The following DOCK4 variants were observed in gnomAD, a reference collection of about 807,000 sequenced individuals.
DOCK4 encodes dedicator of cytokinesis protein 4.
In DOCK4, 97 loss-of-function variants were observed where a neutral mutation model predicts 268.1. The observed-to-expected ratio is 0.36, with a 90% CI of 0.31 to 0.43. The LOEUF is 0.43. Among genes scored for constraint, DOCK4 ranks in the 20% least tolerant of loss-of-function variants. DOCK4 has a pLI of 1.00. For missense variants in DOCK4, 2,145 were observed against 2,455.7 expected (o/e 0.87, Z 2.67); for synonymous variants, 954 against 887.2 (o/e 1.08, Z -1.34).
intron 6 of DOCK4, among the ~76,000 whole-genome samples, chr7:111,986,555 T>A (rs981524889): frequency 1.3e-5 from 2 of 152,044 alleles, no homozygotes; most frequent in Non-Finnish European, 2.9e-5. Context: ...AGAGAGAGGA[T>A]GAGAGGAGAT....
intron 1 of DOCK4, among the ~76,000 whole-genome samples, chr7:112,129,165 G>T (rs1462866310): frequency 2.6e-5 from 4 of 152,064 alleles, no homozygotes; most frequent in Non-Finnish European, 5.9e-5. Flanking sequence ...TCCTTCAATG[G>T]GTGAATGGTT....
chr7:112,154,527 A>C (rs1049210385), intron 1 of DOCK4, among the ~76,000 whole-genome samples: 2 of 152,168 alleles, frequency 1.3e-5, no homozygotes, highest in African/African-American at 2.4e-5. Flanking sequence ...ACGCTTAACA[A>C]GTATTAGACA....
chr7:112,033,143 A>G (rs1339107595), intron 1 of DOCK4, among the ~76,000 whole-genome samples: 1 of 152,200 alleles, frequency 6.6e-6, no homozygotes, highest in Non-Finnish European at 1.5e-5. Flanking sequence ...TATAAAGCAA[A>G]TAATTCCAAG....
At position 111,811,861 on chromosome 7, in the gene DOCK4, A is replaced by T. The variant is rs902077276; in HGVS notation, c.3006+13T>A. The T allele has an allele frequency of 3.5e-6, 5 of 1,449,000 alleles. No individual in the cohort carries two copies. The African/African-American group carries it at 5.7e-5, about 16-fold the overall frequency. The allele number at this position is 1,449,000 out of a possible 1,614,324, so 89.8% of individuals were successfully genotyped here. A position where few individuals can be genotyped will look rare whatever the true frequency, so the allele number is the denominator to read the frequency against. ...TTAGCCCAAGCAGGAGAGTCATATA[A>T]ATGAATGCTTACCTTATAATCAAAG... On this transcript the variant is annotated intron_variant, in intron 28 of 52. Transcript: ENST00000428084.
At chr7:111,812,118 G>T (rs1237376336) in intron 27 of DOCK4, among the ~76,000 whole-genome samples, 169 bp from the exon 28 acceptor site, 1 of 152,066 alleles carries the variant, frequency 6.6e-6, no homozygotes, top group Non-Finnish European at 1.5e-5. Flanking sequence ...TCAATAAAAG[G>T]GGAAGAAATC....
intron 1 of DOCK4, among the ~76,000 whole-genome samples, chr7:112,005,532 G>A (rs865884657): frequency 9.9e-5 from 15 of 152,152 alleles, no homozygotes; most frequent in Non-Finnish European, 4.4e-5. Context: ...GCATTTTGCT[G>A]GCAAAACAAT....
At chr7:112,159,563 C>T (rs553897204) in intron 1 of DOCK4, among the ~76,000 whole-genome samples, 2 of 152,216 alleles carry the variant, frequency 1.3e-5, no homozygotes, top group Middle Eastern at 3.4e-3. Flanking sequence ...TTCGTACTTC[C>T]GTATTTCTTT....
At chr7:112,050,771 C>T (rs114673986) in intron 1 of DOCK4, among the ~76,000 whole-genome samples, 5,662 of 152,076 alleles carry the variant, frequency 0.037, 310 homozygotes, top group African/African-American at 0.11. Context: ...ATTTCAATCC[C>T]GATTTTTTTA....
intron 1 of DOCK4, among the ~76,000 whole-genome samples, chr7:112,178,065 C>T (rs1563160635): frequency 6.6e-6 from 1 of 152,186 alleles, no homozygotes; most frequent in Non-Finnish European, 1.5e-5. Flanking sequence ...GTGGAAGAAT[C>T]CCAAAATGCT....
At chr7:111,837,705 G>A (rs959085252) in intron 25 of DOCK4, among the ~76,000 whole-genome samples, 1 of 152,052 alleles carries the variant, frequency 6.6e-6, no homozygotes, top group Non-Finnish European at 1.5e-5. Context: ...GCACACTGAA[G>A]GCTGCAAAAC....
At chr7:112,144,160 C>T (rs943967337) in intron 1 of DOCK4, among the ~76,000 whole-genome samples, 1 of 152,144 alleles carries the variant, frequency 6.6e-6, no homozygotes, top group Non-Finnish European at 1.5e-5. Flanking sequence ...TTCATTTCAC[C>T]TTCCTCTAGT....
intron 1 of DOCK4, among the ~76,000 whole-genome samples, chr7:112,181,794 C>G (rs1367049340): frequency 6.6e-6 from 1 of 152,064 alleles, no homozygotes. Context: ...TTGAACGGTA[C>G]GTGCACTTGC....
intron 1 of DOCK4, among the ~76,000 whole-genome samples, chr7:112,040,585 G>A (rs1039887558): frequency 6.6e-6 from 1 of 152,056 alleles, no homozygotes; most frequent in Admixed American, 6.6e-5. Context: ...TCAAAAAATA[G>A]GTAGATGATG....
At position 111,935,632 on chromosome 7, in the gene DOCK4, T is replaced by A; in HGVS notation, c.978-4A>T. On this transcript the variant is annotated splice_region_variant and splice_polypyrimidine_tract_variant and intron_variant, in intron 11 of 52. Coordinates refer to ENST00000428084, the MANE Select transcript of DOCK4 (RefSeq NM_001363540.2). ...CCACTCACTCTCTGTGTTACACCTA[T>A]GAAAACATTAACACTCTGTTAAGCT... is the stretch of plus-strand genomic sequence containing the variant. The A allele has an allele frequency of 6.2e-7, 1 of 1,612,198 alleles. No homozygotes were observed. Among genetic ancestry groups the A allele is most frequent in the Non-Finnish European group, 8.5e-7 (1 of 1,178,436 alleles).
chr7:112,072,253 C>G (rs1175641440), intron 1 of DOCK4, among the ~76,000 whole-genome samples: 1 of 151,962 alleles, frequency 6.6e-6, no homozygotes, highest in Non-Finnish European at 1.5e-5. Flanking sequence ...TATCTATAAC[C>G]AGAGTATCAG....
At chr7:111,805,129 G>C (rs925289592) in intron 30 of DOCK4, among the ~76,000 whole-genome samples, 3 of 152,074 alleles carry the variant, frequency 2.0e-5, no homozygotes, top group Admixed American at 2.0e-4. Flanking sequence ...ACTATTTGTT[G>C]TCTTTGGACA....
chr7:111,796,255 G>C (rs766446148), intron 30 of DOCK4, among the ~76,000 whole-genome samples: 4 of 152,158 alleles, frequency 2.6e-5, no homozygotes, highest in Non-Finnish European at 4.4e-5. Context: ...CAGACATACA[G>C]CTCCAAACAC....
Position 111,726,692 on chromosome 7 carries a change from A to C in DOCK4, c.*1582T>G, listed in dbSNP as rs1273910535. ...AATTGTTAAAAGCACATATGTACAA[A>C]TATTCTTTTTCCATACGTAAAGTAT... is the stretch of plus-strand genomic sequence containing the variant. On this transcript the variant is annotated 3_prime_UTR_variant, in exon 53 of 53. Coordinates refer to ENST00000428084, the MANE Select transcript of DOCK4 (RefSeq NM_001363540.2). 6.5e-6 allele frequency: 1 copy of C among 152,676 alleles called. No homozygotes were observed. Among genetic ancestry groups the C allele is most frequent in the Non-Finnish European group, 1.5e-5 (1 of 68,042 alleles). 9.5% of individuals were successfully genotyped at this position (152,676 alleles called of 1,614,324 possible). A position where few individuals can be genotyped will look rare whatever the true frequency, so the allele number is the denominator to read the frequency against.
intron 1 of DOCK4, among the ~76,000 whole-genome samples, chr7:112,152,871 A>G (rs940820266): frequency 6.6e-6 from 1 of 152,200 alleles, no homozygotes; most frequent in Non-Finnish European, 1.5e-5. Context: ...GTGAAAAAAA[A>G]CCGAACATTT....
Sources: gnomAD v4.1 joint callset for allele counts (sites outside exome capture counted in the v4.1 genomes callset) on GRCh38, gnomAD v4.1.1 for gene constraint, MANE v1.5 for transcripts, NCBI Gene and HGNC (gene_info 2026-07-23, HGNC 2026-07-21) for gene names.